The following PLEKHM2 variants were observed in gnomAD, a reference collection of about 807,000 sequenced individuals.
PLEKHM2 encodes the protein pleckstrin homology domain-containing family M member 2.
Under a neutral mutation model 116.3 loss-of-function variants are expected in PLEKHM2, and 77 were observed. The observed-to-expected ratio is 0.66, with a 90% confidence interval of 0.55 to 0.80. PLEKHM2 has a LOEUF of 0.80. Ranked by LOEUF, PLEKHM2 falls within the 30% of genes least tolerant of loss-of-function variation. The probability of loss-of-function intolerance (pLI) is 0.00; values close to 1 mark genes in which losing one functional copy is unlikely to be tolerated. For synonymous variants in PLEKHM2, 562 were observed against 571.0 expected (o/e 0.98, Z 0.22); for missense variants, 1,183 against 1,354.9 (o/e 0.87, Z 1.99).
At chr1:15,732,837 T>C in intron 19 of PLEKHM2, 109 bp downstream of exon 19, 1 of 736,510 alleles carries the variant, frequency 1.4e-6, no homozygotes. Context: ...GCCTCCAGGG[T>C]CCTGGGCACA....
At chr1:15,713,637 T>G (rs910654601) in intron 1 of PLEKHM2, among the ~76,000 whole-genome samples, 89 of 152,010 alleles carry the variant, frequency 5.9e-4, no homozygotes, top group African/African-American at 1.7e-3. Flanking sequence ...TTTGTTTGTT[T>G]TTTGTTTTTT....
At chr1:15,705,307 T>A (rs1641203470) in intron 1 of PLEKHM2, among the ~76,000 whole-genome samples, 1 of 150,572 alleles carries the variant, frequency 6.6e-6, no homozygotes, top group Non-Finnish European at 1.5e-5. Context: ...GCCTCCTGAG[T>A]AGCTGGGACT....
In PLEKHM2 at chr1:15,729,756, T is replaced by G. The variant is rs1382693927; in HGVS notation, c.2076-41T>G. The G allele has an allele frequency of 3.2e-6, 5 of 1,571,818 alleles. No homozygotes were observed. Among genetic ancestry groups the G allele is most frequent in the Non-Finnish European group, 4.3e-6 (5 of 1,158,638 alleles). On this transcript the variant is annotated intron_variant, in intron 13 of 19. Transcript: ENST00000375799. This position sits in a 1 kb window ranked among gnomAD's most constrained non-coding sequence, Gnocchi z 4.7. ...ACTAAGCCCTGTCCAGTTGAGGCCC[T>G]GTTCCCAGGCCTCTAACCACAAACC...
Position 15,729,893 on chromosome 1 carries a change from A to G in PLEKHM2, c.2172A>G (p.Ala724=), listed in dbSNP as rs763246455. The change falls in exon 14 of 20, where the codon GCA becomes GCG. Residue 724 remains alanine (A), a synonymous_variant. Coordinates refer to ENST00000375799, the MANE Select transcript of PLEKHM2 (RefSeq NM_015164.4). This position sits in a 1 kb window ranked among gnomAD's most constrained non-coding sequence, Gnocchi z 4.7. ...CGGATGCCACCATGGAGAAGCTGGC[A>G]CTGGCCAAATTTGTGGCCCAAGAAT... The part of the protein sequence containing the change: ...ILTDATMEKL[A]LAKFVAQESK... 1.2e-6 allele frequency: 2 copies of G among 1,613,232 alleles called. No homozygotes were observed. Among genetic ancestry groups the G allele is most frequent in the Admixed American group, 3.3e-5 (2 of 60,010 alleles).
chr1:15,727,909 A>G lies in PLEKHM2; in HGVS notation c.1760+77A>G. 7 of 1,297,704 alleles carry G rather than the reference A, an allele frequency of 5.4e-6. No homozygotes were observed. The highest frequency in any genetic ancestry group is 7.5e-6 in the Non-Finnish European group (7 of 935,510). 80.4% of individuals were successfully genotyped at this position (1,297,704 alleles called of 1,614,324 possible). The stretch of plus-strand genomic sequence containing the variant: ...GACACTGTGCCTCTGACCTCCAGAT[A>G]AATTAAGCACTAGGAAGACCTAGCC... On this transcript the variant is annotated intron_variant, in intron 9 of 19. Transcript: ENST00000375799. The surrounding 1 kb of genome is among the most constrained non-coding windows in gnomAD (Gnocchi z 7.5).
chr1:15,689,020 G>A (rs1394074006), intron 1 of PLEKHM2, among the ~76,000 whole-genome samples: 5 of 152,006 alleles, frequency 3.3e-5, no homozygotes, highest in Admixed American at 1.3e-4. Context: ...AGGCCGAGGC[G>A]GGCGGATCAC....
At chr1:15,699,639 G>A (rs1352865128) in intron 1 of PLEKHM2, among the ~76,000 whole-genome samples, 1 of 152,030 alleles carries the variant, frequency 6.6e-6, no homozygotes, top group East Asian at 1.9e-4. Flanking sequence ...TGTGAATAGT[G>A]CCACAATAAA....
chr1:15,727,375 C>A lies in PLEKHM2; in HGVS notation c.1303C>A (p.Gln435Lys), dbSNP rs748386047. Reference sequence around the variant, plus strand: ...GTGCTCCCGTGCTGAGCCCCCAGACCAGTCCTTTCGGACCGGCTCTCCCGG... The same window carrying A: ...GTGCTCCCGTGCTGAGCCCCCAGACAAGTCCTTTCGGACCGGCTCTCCCGG... Reference protein sequence around the residue: ...TWCSRAEPPDQSFRTGSPGDA... With the variant: ...TWCSRAEPPDKSFRTGSPGDA... Residue 435 changes from glutamine (Q) to lysine (K), a missense_variant, in exon 9 of 20, where the codon CAG (glutamine) becomes AAG (lysine). Around this residue, in one of 3 missense-constraint regions of PLEKHM2, gnomAD observed 372 missense variants for 357.2 expected, o/e 1.04. Transcript: ENST00000375799. This position sits in a 1 kb window ranked among gnomAD's most constrained non-coding sequence, Gnocchi z 7.5. 5 of 1,602,432 alleles carry A rather than the reference C, an allele frequency of 3.1e-6. No homozygotes were observed. The highest frequency in any genetic ancestry group is 4.3e-6 in the Non-Finnish European group (5 of 1,175,250).
In PLEKHM2 at chr1:15,729,275, G is replaced by A; in HGVS notation, c.2075+85G>A. The stretch of plus-strand genomic sequence containing the variant: ...GGGTGGCCTGGGGGTCAGGGGTGGA[G>A]GTGGAAAGTGGGAGATCCAGGAGGG... On this transcript the variant is annotated intron_variant, in intron 13 of 19. Coordinates refer to ENST00000375799, the MANE Select transcript of PLEKHM2 (RefSeq NM_015164.4). This position sits in a 1 kb window ranked among gnomAD's most constrained non-coding sequence, Gnocchi z 4.7. 2 of 1,120,130 alleles carry A rather than the reference G, an allele frequency of 1.8e-6. No individual in the cohort carries two copies. Among genetic ancestry groups the A allele is most frequent in the Non-Finnish European group, 2.7e-6 (2 of 753,144 alleles). 69.4% of individuals were successfully genotyped at this position (1,120,130 alleles called of 1,614,324 possible).
chr1:15,731,651 G>A (rs182522519), intron 16 of PLEKHM2, among the ~76,000 whole-genome samples: 1 of 152,290 alleles, frequency 6.6e-6, no homozygotes. Context: ...GGCCATGCTT[G>A]GGTATCTAGA....
intron 1 of PLEKHM2, among the ~76,000 whole-genome samples, chr1:15,704,869 C>G (rs908395755): frequency 6.6e-6 from 1 of 152,228 alleles, no homozygotes; most frequent in Non-Finnish European, 1.5e-5. Context: ...CTGGCTGTGC[C>G]TTCGTGGTCT....
chr1:15,697,972 C>G (rs1641033484), intron 1 of PLEKHM2, among the ~76,000 whole-genome samples: 1 of 152,152 alleles, frequency 6.6e-6, no homozygotes, highest in Non-Finnish European at 1.5e-5. Context: ...GTGCAATTAG[C>G]TGCTGTATTT....
In PLEKHM2 at chr1:15,730,712, G is replaced by A. The variant is rs1453645890; in HGVS notation, c.2389G>A (p.Val797Met). 39 of 1,598,086 alleles carry A rather than the reference G, an allele frequency of 2.4e-5. No individual in the cohort carries two copies. The highest frequency in any genetic ancestry group is 1.6e-4 in the Middle Eastern group (1 of 6,064). The change falls in exon 15 of 20, where the codon GTG becomes ATG. Residue 797 changes from valine to methionine, a missense_variant. Physicochemically the swap from Val to Met is conservative, Grantham distance 21 (BLOSUM62 1). Coordinates refer to ENST00000375799, the MANE Select transcript of PLEKHM2 (RefSeq NM_015164.4). ...LGKEHWKTCFVVLSNGILYQY... is the reference protein window; with the variant it reads ...LGKEHWKTCFMVLSNGILYQY... ...CAAGGAACACTGGAAGACGTGCTTC[G>A]TGGTGCTCAGGTGGGAGCCCTGGCA...
chr1:15,719,793 G>A lies in PLEKHM2; in HGVS notation c.525G>A (p.Leu175=), dbSNP rs2067964654. 4 of 1,613,786 alleles carry A rather than the reference G, an allele frequency of 2.5e-6. No individual in the cohort carries two copies. The highest frequency in any genetic ancestry group is 1.1e-5 in the South Asian group (1 of 91,046). Residue 175 remains leucine (L), a synonymous_variant, in exon 6 of 20, where the codon CTG becomes CTA. Transcript: ENST00000375799. The surrounding 1 kb of genome is among the most constrained non-coding windows in gnomAD (Gnocchi z 4.1). ...YMPDYYKPQY[L]LDFEDRLPSS... is the part of the protein sequence containing the mutation. ...CCGACTACTACAAACCTCAGTACCT[G>A]CTGGACTTTGAAGACCGCCTTCCCA...
chr1:15,688,864 G>A (rs1640830070), intron 1 of PLEKHM2, among the ~76,000 whole-genome samples: 1 of 152,106 alleles, frequency 6.6e-6, no homozygotes. Context: ...GGGAGGGAAG[G>A]CAGGCAGTGA....
At position 15,732,060 on chromosome 1, in the gene PLEKHM2, C is replaced by T. The variant is rs754107975; in HGVS notation, c.2625+12C>T. 1 of 1,607,088 alleles carries T rather than the reference C, an allele frequency of 6.2e-7. No individual in the cohort carries two copies. Among genetic ancestry groups the T allele is most frequent in the Non-Finnish European group, 8.5e-7 (1 of 1,176,260 alleles). On this transcript the variant is annotated intron_variant, in intron 17 of 19. Transcript: ENST00000375799. ...CTGTGTCCAAAGGGGTGAGCTTCGC[C>T]TGCCCCTACCGCTCACCTGGCTTGC...
At chr1:15,711,215 A>G (rs991782748) in intron 1 of PLEKHM2, among the ~76,000 whole-genome samples, 3 of 152,082 alleles carry the variant, frequency 2.0e-5, no homozygotes, top group African/African-American at 7.2e-5. Flanking sequence ...TAAAAATAAA[A>G]TAAAATAAAT....
At chr1:15,700,213 C>T (rs1248120713) in intron 1 of PLEKHM2, among the ~76,000 whole-genome samples, 3 of 152,100 alleles carry the variant, frequency 2.0e-5, no homozygotes, top group Non-Finnish European at 4.4e-5. Context: ...CTGCTCTGCC[C>T]TGCTCAGTTT....
intron 1 of PLEKHM2, among the ~76,000 whole-genome samples, chr1:15,690,534 A>G (rs1640869030): frequency 6.6e-6 from 1 of 152,252 alleles, no homozygotes; most frequent in African/African-American, 2.4e-5. Flanking sequence ...TTACAAAAAT[A>G]GGTATCAGGC....
Sources: gnomAD v4.1 joint callset for allele counts (sites outside exome capture counted in the v4.1 genomes callset) on GRCh38, gnomAD v4.1.1 for gene constraint, gnomAD v4.1.1 regional missense constraint, Gnocchi (gnomAD v3.1) non-coding constraint, MANE v1.5 for transcripts, NCBI Gene and HGNC (gene_info 2026-07-23, HGNC 2026-07-21) for gene names.